UEVLD: variants seen among roughly 807,000 people sequenced by gnomAD.
The protein encoded by UEVLD is ubiquitin-conjugating enzyme E2 variant 3.
UEVLD carries 47 observed loss-of-function variants against 58.6 expected under a neutral mutation model. The ratio of observed to expected loss-of-function variants is 0.80; its 90% confidence interval spans 0.63 to 1.02. The LOEUF is 1.02. Ranked by LOEUF, UEVLD falls within the 50% of genes least tolerant of loss-of-function variation. The pLI, the probability that UEVLD is intolerant of heterozygous loss-of-function variation, is 0.00. For synonymous variants in UEVLD, 197 were observed against 195.3 expected, an observed-to-expected ratio of 1.01 and a Z score of -0.07; for missense variants, 510 against 550.6, an observed-to-expected ratio of 0.93 and a Z score of 0.74.
chr11:18,545,225 A>G (rs1851257340), intron 8 of UEVLD, among the ~76,000 whole-genome samples: 1 of 150,904 alleles, frequency 6.6e-6, no homozygotes, highest in Non-Finnish European at 1.5e-5. Flanking sequence ...GGCACCTGCC[A>G]CCATGCCCAG....
rs890462477 is a variant in UEVLD at position 18,531,135 on chromosome 11, C to T, written c.*1185G>A. Reference sequence around the variant, plus strand: ...TTTGATAACTATTTTGGCTATTAAGCCTTTTCCCCCTTTTAGTGCCTAGAA... The same window carrying T: ...TTTGATAACTATTTTGGCTATTAAGTCTTTTCCCCCTTTTAGTGCCTAGAA... On this transcript the variant is annotated 3_prime_UTR_variant, in exon 12 of 12. Transcript: ENST00000396197. 4 of 152,120 alleles carry T rather than the reference C, an allele frequency of 2.6e-5. No homozygotes were observed. The highest frequency in any genetic ancestry group is 9.7e-5 in the African/African-American group (4 of 41,420). The allele number at this position is 152,120 out of a possible 1,614,324, so 9.4% of individuals were successfully genotyped here. A position where few individuals can be genotyped will look rare whatever the true frequency, so the allele number is the denominator to read the frequency against.
At position 18,564,996 on chromosome 11, in the gene UEVLD, T is replaced by C; in HGVS notation, c.508A>G (p.Asn170Asp). The C allele has an allele frequency of 2.5e-6, 4 of 1,611,662 alleles. No individual in the cohort carries two copies. Among genetic ancestry groups the C allele is most frequent in the Non-Finnish European group, 3.4e-6 (4 of 1,178,300 alleles). Residue 170 changes from asparagine to aspartate, a missense_variant, in exon 6 of 12, where the codon AAT becomes GAT. Transcript: ENST00000396197. The part of the protein sequence containing the change: ...AKITEGVSDT[N>D]SKSWANHENK... ...TCATGATTTGCCCAGCTCTTTGAAT[T>C]TGTATCTGAAACACCTAGAAAGAAA...
chr11:18,541,845 T>G (rs373176032), intron 9 of UEVLD, among the ~76,000 whole-genome samples: 1 of 152,064 alleles, frequency 6.6e-6, no homozygotes, highest in African/African-American at 2.4e-5. Flanking sequence ...AGCTGTGGGG[T>G]GGGCCTGGGA....
chr11:18,587,464 G>A (rs7101733), intron 1 of UEVLD, among the ~76,000 whole-genome samples: 4,381 of 152,168 alleles, frequency 0.029, 230 homozygotes, highest in African/African-American at 0.1. Flanking sequence ...TAACAAAAAT[G>A]GCATAAACTA....
rs762997201 is a variant in UEVLD, at chr11:18,566,324, A to G, written c.493+23T>C. The G allele has an allele frequency of 3.5e-5, 57 of 1,612,946 alleles. 1 individual carries two copies. The Admixed American group carries it at 9.5e-4, about 27-fold the overall frequency. On this transcript the variant is annotated intron_variant, in intron 5 of 11. Transcript: ENST00000396197. ...CTGGTAACTCATAACTCTCAAGATA[A>G]TCTGCCTGACAAATATACAAACCTT...
At chr11:18,542,361 T>C (rs1380601002) in intron 9 of UEVLD, among the ~76,000 whole-genome samples, 1 of 152,108 alleles carries the variant, frequency 6.6e-6, no homozygotes, top group African/African-American at 2.4e-5. Context: ...AATGAATGAA[T>C]GGAGACATTC....
intron 6 of UEVLD, among the ~76,000 whole-genome samples, chr11:18,560,730 G>C (rs976873882): frequency 2.6e-5 from 4 of 152,158 alleles, no homozygotes; most frequent in African/African-American, 9.7e-5. Context: ...GCAGATTTTG[G>C]CCGGGCATGG....
intron 1 of UEVLD, among the ~76,000 whole-genome samples, chr11:18,579,229 G>A (rs1853105845): frequency 6.6e-6 from 1 of 152,066 alleles, no homozygotes; most frequent in Admixed American, 6.6e-5. Flanking sequence ...AAACAAGAAT[G>A]GTATTTGATT....
rs1001073739 is a variant in UEVLD at position 18,537,778 on chromosome 11, T to C, written c.1061-1309A>G. 2.6e-5 allele frequency among the ~76,000 whole-genome samples: 4 copies of C among 152,162 alleles called. No individual in the cohort carries two copies. The East Asian group carries it at 7.7e-4, about 29-fold the overall frequency. On this transcript the variant is annotated intron_variant, in intron 9 of 11. Transcript: ENST00000396197. ...CCTGGGTTCAAGCAATTATTCTACC[T>C]CAGCCTCCCAACTAGCTGGGATTAC...
At chr11:18,588,484 A>G in intron 1 of UEVLD, 129 bp downstream of exon 1, 1 of 1,151,414 alleles carries the variant, frequency 8.7e-7, no homozygotes, top group Non-Finnish European at 1.2e-6. Context: ...AGCCGGTTTC[A>G]GACCAGCCGC....
intron 1 of UEVLD, chr11:18,579,308 A>C (rs1415127877): frequency 3.3e-6 from 1 of 301,254 alleles, no homozygotes; most frequent in African/African-American, 2.3e-5. Flanking sequence ...GCAGGAGAAG[A>C]AAATGAAAGC....
chr11:18,532,154 C>G lies in UEVLD; in HGVS notation c.*166G>C. 1.8e-6 allele frequency: 1 copy of G among 555,898 alleles called. No homozygotes were observed. Among genetic ancestry groups the G allele is most frequent in the Non-Finnish European group, 2.9e-6 (1 of 342,350 alleles). 34.4% of individuals were successfully genotyped at this position (555,898 alleles called of 1,614,324 possible). On this transcript the variant is annotated 3_prime_UTR_variant, in exon 12 of 12. Transcript: ENST00000396197. ...TAATTTTTCCCCTCCTTGTATAACT[C>G]CTTAAGGATTTACATCACAAAGCTA...
chr11:18,545,069 T>A (rs1251914486), intron 8 of UEVLD, among the ~76,000 whole-genome samples: 5 of 33,758 alleles, frequency 1.5e-4, no homozygotes, highest in Non-Finnish European at 6.6e-5. Flanking sequence ...TATATCTATA[T>A]CTATATTTTT....
At position 18,588,643 on chromosome 11, in the gene UEVLD, G is replaced by C. The variant is rs750029730; in HGVS notation, c.12C>G (p.Asp4Glu). The C allele has an allele frequency of 4.3e-6, 7 of 1,609,864 alleles. No individual in the cohort carries two copies. The highest frequency in any genetic ancestry group is 2.2e-5 in the South Asian group (2 of 91,050). The change falls in exon 1 of 12, where the codon GAC becomes GAG. Residue 4 changes from aspartate to glutamate, a missense_variant. Transcript: ENST00000396197. The stretch of plus-strand genomic sequence containing the variant: ...CAAGCAGCCGTCTCAGGCCCTCGCA[G>C]TCGAACTCCATCTCCAGGCCGGTCC... MEF[D>E]CEGLRRLLGK...
chr11:18,578,285 T>A (rs1467192115), intron 2 of UEVLD, among the ~76,000 whole-genome samples: 2 of 152,184 alleles, frequency 1.3e-5, no homozygotes, highest in Admixed American at 6.5e-5. Context: ...CACTGCTGGC[T>A]CTGAAGATGG....
At chr11:18,586,186 A>G (rs1477772549) in intron 1 of UEVLD, among the ~76,000 whole-genome samples, 4 of 152,050 alleles carry the variant, frequency 2.6e-5, no homozygotes, top group Non-Finnish European at 4.4e-5. Flanking sequence ...CAACAAAATT[A>G]TTTCTAAGTT....
At chr11:18,582,710 T>C (rs1042341550) in intron 1 of UEVLD, among the ~76,000 whole-genome samples, 4 of 152,104 alleles carry the variant, frequency 2.6e-5, no homozygotes, top group African/African-American at 7.2e-5. Flanking sequence ...TCCTCACCAC[T>C]AAAAATTCTG....
intron 9 of UEVLD, among the ~76,000 whole-genome samples, chr11:18,543,133 C>CA (rs1157122389): frequency 1.3e-5 from 2 of 152,058 alleles, no homozygotes; most frequent in Admixed American, 6.6e-5. Flanking sequence ...GCTTGTGATC[C>CA]ATCCACCTTG....
chr11:18,561,267 A>G (rs12418726), intron 6 of UEVLD, among the ~76,000 whole-genome samples: 27,254 of 152,122 alleles, frequency 0.18, 2,862 homozygotes, highest in East Asian at 0.41. Context: ...AATGTCAGTA[A>G]TAACAGTACC....
Sources: gnomAD v4.1 joint callset for allele counts (sites outside exome capture counted in the v4.1 genomes callset) on GRCh38, gnomAD v4.1.1 for gene constraint, MANE v1.5 for transcripts, NCBI Gene and HGNC (gene_info 2026-07-23, HGNC 2026-07-21) for gene names.